Variants in USP37 observed in about 807,000 individuals in gnomAD.
USP37 encodes ubiquitin specific peptidase 37.
Under a neutral mutation model 124.0 loss-of-function variants are expected in USP37, and 27 were observed. That is an observed-to-expected ratio of 0.22 (90% confidence interval 0.16 to 0.30). The LOEUF (loss-of-function observed/expected upper bound fraction) is 0.30, where lower values mean the gene tolerates loss of function less well. Among genes scored for constraint, USP37 ranks in the 10% least tolerant of loss-of-function variants. The probability of loss-of-function intolerance (pLI) is 1.00; values close to 1 mark genes in which losing one functional copy is unlikely to be tolerated. For synonymous variants in USP37, 365 were observed against 388.0 expected (o/e 0.94, Z 0.70); for missense variants, 889 against 1,140.4 (o/e 0.78, Z 3.17).
At chr2:218,506,286 C>CTTTTTTT (rs60620765) in intron 11 of USP37, among the ~76,000 whole-genome samples, 1 of 72,624 alleles carries the variant, frequency 1.4e-5, no homozygotes, top group Non-Finnish European at 2.4e-5. Flanking sequence ...TTCTTTCTGG[C>CTTTTTTT]TTTTTTTTTT....
At chr2:218,470,060 T>C (rs1002324741) in intron 20 of USP37, among the ~76,000 whole-genome samples, 1 of 152,024 alleles carries the variant, frequency 6.6e-6, no homozygotes, top group African/African-American at 2.4e-5. Flanking sequence ...GACCTCGTGA[T>C]CCACCCACCT....
chr2:218,558,039 A>C (rs1693122450), intron 4 of USP37, among the ~76,000 whole-genome samples: 1 of 151,962 alleles, frequency 6.6e-6, no homozygotes, highest in Non-Finnish European at 1.5e-5. Flanking sequence ...ATAACCTTGA[A>C]TAATCATCCT....
intron 20 of USP37, among the ~76,000 whole-genome samples, chr2:218,466,678 G>A (rs140911034): frequency 6.6e-6 from 1 of 152,138 alleles, no homozygotes; most frequent in Non-Finnish European, 1.5e-5. Context: ...TATTTTTAGA[G>A]CAAATGAAGT....
intron 20 of USP37, among the ~76,000 whole-genome samples, chr2:218,472,552 C>T (rs1690753695): frequency 6.6e-6 from 1 of 152,010 alleles, no homozygotes; most frequent in South Asian, 2.1e-4. Flanking sequence ...CAACCTCCTC[C>T]ACCTCCTGGG....
At chr2:218,543,649 A>G (rs1225105555) in intron 8 of USP37, among the ~76,000 whole-genome samples, 1 of 151,864 alleles carries the variant, frequency 6.6e-6, no homozygotes, top group Admixed American at 6.6e-5. Flanking sequence ...TGTCTCTACT[A>G]AAAATACAAA....
Position 218,528,055 on chromosome 2 carries a change from A to G in USP37, c.863+1901T>C, listed in dbSNP as rs371438136. On this transcript the variant is annotated intron_variant, in intron 10 of 25. Transcript: ENST00000258399. ...GTCTCCACTAAAAATACAAAAAAAG[A>G]GCTGGGCATGTTGGTGGGCGCCTGT... Among the ~76,000 whole-genome samples, 91 of 152,144 alleles carry G rather than the reference A, an allele frequency of 6.0e-4. 1 individual carries two copies. In the East Asian group the frequency reaches 0.015, roughly 26 times the overall value.
At chr2:218,486,649 C>T (rs1340646195) in intron 15 of USP37, among the ~76,000 whole-genome samples, 1 of 143,882 alleles carries the variant, frequency 7.0e-6, no homozygotes, top group Non-Finnish European at 1.5e-5. Context: ...TATTGAACTC[C>T]TGACTTCAGG....
chr2:218,495,126 C>T (rs921755080), intron 14 of USP37, among the ~76,000 whole-genome samples: 1 of 152,086 alleles, frequency 6.6e-6, no homozygotes, highest in Non-Finnish European at 1.5e-5. Context: ...TCAGTTCTCA[C>T]TCTGCCACGC....
chr2:218,504,228 A>G (rs1184933028), intron 11 of USP37, among the ~76,000 whole-genome samples: 1 of 152,176 alleles, frequency 6.6e-6, no homozygotes, highest in African/African-American at 2.4e-5. Flanking sequence ...GGGTATCAGG[A>G]CTGCAGCCTC....
intron 9 of USP37, among the ~76,000 whole-genome samples, 177 bp from the exon 10 acceptor site, chr2:218,530,217 T>G (rs565079491): frequency 9.2e-5 from 14 of 152,154 alleles, no homozygotes; most frequent in Middle Eastern, 3.2e-3. Context: ...ATATTGCAGG[T>G]TTTTTTGTAT....
In USP37 at chr2:218,549,872, G is replaced by A; in HGVS notation, c.366C>T (p.Ala122=). 9 of 1,612,666 alleles carry A rather than the reference G, an allele frequency of 5.6e-6. No homozygotes were observed. Among genetic ancestry groups the A allele is most frequent in the Non-Finnish European group, 7.6e-6 (9 of 1,179,434 alleles). Residue 122 remains alanine, a synonymous_variant, in exon 6 of 26, where the codon GCC becomes GCT. Coordinates refer to ENST00000258399, the MANE Select transcript of USP37 (RefSeq NM_020935.3). ...TCTGTGAGGTCCTGCTGCCCAGAATGGCTCCAAAACTACCAGACCCCTGAG... is the reference window on the plus strand; with the variant it reads ...TCTGTGAGGTCCTGCTGCCCAGAATAGCTCCAAAACTACCAGACCCCTGAG... The part of the protein sequence containing the change: ...KPSQGSGSFG[A]ILGSRTSQKE...
intron 21 of USP37, among the ~76,000 whole-genome samples, chr2:218,464,091 T>A (rs1396019798): frequency 6.6e-6 from 1 of 151,852 alleles, no homozygotes; most frequent in Admixed American, 6.6e-5. Flanking sequence ...TCTCTTGATC[T>A]TGCAATCTGC....
intron 14 of USP37, among the ~76,000 whole-genome samples, chr2:218,490,167 C>T (rs764491506): frequency 3.3e-5 from 5 of 152,032 alleles, no homozygotes; most frequent in Admixed American, 6.6e-5. Flanking sequence ...CTGGCTAACA[C>T]GGTGAAACCC....
rs1033675280 is a variant in USP37 at position 218,511,040 on chromosome 2, CT to C, written c.864-901del. Among the ~76,000 whole-genome samples, 10 of 152,020 alleles carry C rather than the reference CT, an allele frequency of 6.6e-5. No individual in the cohort carries two copies. In the South Asian group the frequency reaches 1.0e-3, roughly 16 times the overall value. ...TTTAATTTTTACCAATAAGGAGACA[CT>C]TGATCTCACTGTTATTTGATTTTGC... is the stretch of plus-strand genomic sequence containing the variant. On this transcript the variant is annotated intron_variant, in intron 10 of 25. Coordinates refer to ENST00000258399, the MANE Select transcript of USP37 (RefSeq NM_020935.3).
In USP37 at chr2:218,530,811, G is replaced by A. The variant is rs924366907; in HGVS notation, c.779-771C>T. Among the ~76,000 whole-genome samples the A allele has an allele frequency of 5.3e-5, 8 of 152,146 alleles. No homozygotes were observed. The South Asian group carries it at 1.0e-3, about 20-fold the overall frequency. On this transcript the variant is annotated intron_variant, in intron 9 of 25. Coordinates refer to ENST00000258399, the MANE Select transcript of USP37 (RefSeq NM_020935.3). ...AGCAAAACAACCTTATTGCTGATGT[G>A]GAGAAAGTTTTAGTGGTCTCGGCAG... is the stretch of plus-strand genomic sequence containing the variant.
chr2:218,517,491 A>C (rs561990456), intron 10 of USP37, among the ~76,000 whole-genome samples: 26 of 152,188 alleles, frequency 1.7e-4, no homozygotes, highest in Admixed American at 5.2e-4. Flanking sequence ...AAACTATAGG[A>C]TATTTTCACA....
Position 218,520,807 on chromosome 2 carries a change from C to T in USP37, c.863+9149G>A, listed in dbSNP as rs1319748997. 2.6e-5 allele frequency among the ~76,000 whole-genome samples: 4 copies of T among 152,218 alleles called. No individual in the cohort carries two copies. The East Asian group carries it at 7.7e-4, about 29-fold the overall frequency. ...TCCCTGCAACCTTTACTTGACATGA[C>T]ATCAACTTGGTGAAGAGAACAGGCC... is the stretch of plus-strand genomic sequence containing the variant. On this transcript the variant is annotated intron_variant, in intron 10 of 25. Transcript: ENST00000258399.
chr2:218,511,412 G>A (rs903255244), intron 10 of USP37, among the ~76,000 whole-genome samples: 3 of 152,154 alleles, frequency 2.0e-5, no homozygotes, highest in East Asian at 1.9e-4. Context: ...GGATTCAAGC[G>A]ATTCTCCTGC....
chr2:218,524,738 T>C (rs1407589675), intron 10 of USP37, among the ~76,000 whole-genome samples: 2 of 152,120 alleles, frequency 1.3e-5, no homozygotes, highest in Non-Finnish European at 2.9e-5. Flanking sequence ...GCGTCCTGAG[T>C]AGCTGGGACT....
Sources: gnomAD v4.1 joint callset for allele counts (sites outside exome capture counted in the v4.1 genomes callset) on GRCh38, gnomAD v4.1.1 for gene constraint, MANE v1.5 for transcripts, NCBI Gene and HGNC (gene_info 2026-07-23, HGNC 2026-07-21) for gene names.